The following MECOM variants were observed in gnomAD, a reference collection of about 807,000 sequenced individuals.
MECOM encodes the protein MDS1 and EVI1 complex locus, also known as histone-lysine N-methyltransferase MECOM.
Under a neutral mutation model 116.3 loss-of-function variants are expected in MECOM, and 13 were observed. The observed-to-expected ratio is 0.11, with a 90% CI of 0.07 to 0.18. The LOEUF (loss-of-function observed/expected upper bound fraction) is 0.18. MECOM is among the 10% of genes least tolerant of loss of function. MECOM has a pLI of 1.00. For missense variants in MECOM, 1,299 were observed against 1,509.0 expected (o/e 0.86, Z 2.31); for synonymous variants, 528 against 535.2 (o/e 0.99, Z 0.19).
intron 2 of MECOM, among the ~76,000 whole-genome samples, chr3:169,205,169 C>T (rs528592299): frequency 1.3e-5 from 2 of 152,182 alleles, no homozygotes; most frequent in Admixed American, 6.6e-5. Context: ...CCTTACATGC[C>T]AAGTCTCAGC....
At chr3:169,191,677 AAG>A (rs1318095171) in intron 2 of MECOM, among the ~76,000 whole-genome samples, 1 of 100,140 alleles carries the variant, frequency 1.0e-5, no homozygotes, top group Non-Finnish European at 1.8e-5. Flanking sequence ...AGAGAGAAAG[AAG>A]AAGGAAAGAA....
At chr3:169,137,454 G>A (rs1736713513) in intron 3 of MECOM, among the ~76,000 whole-genome samples, 1 of 152,118 alleles carries the variant, frequency 6.6e-6, no homozygotes, top group African/African-American at 2.4e-5. Context: ...AAAGAGAAGT[G>A]TCTTCAGCAG....
chr3:169,564,276 T>C (rs150571286), intron 1 of MECOM, among the ~76,000 whole-genome samples: 92 of 152,308 alleles, frequency 6.0e-4, no homozygotes, highest in African/African-American at 2.1e-3. Context: ...CAGCCAAGAC[T>C]CACCATCTGA....
In MECOM at chr3:169,567,474, A is replaced by G. The variant is rs1763375175; in HGVS notation, c.37+95862T>C. ...TGATTTTATTACTTTAGCCACTAAT[A>G]TATTTATATTTGGTAATATTGCCCT... is the stretch of plus-strand genomic sequence containing the variant. On this transcript the variant is annotated intron_variant, in intron 1 of 16. Coordinates refer to ENST00000651503, the MANE Select transcript of MECOM (RefSeq NM_004991.4). 2.6e-5 allele frequency among the ~76,000 whole-genome samples: 4 copies of G among 152,324 alleles called. No individual in the cohort carries two copies. In the South Asian group the frequency reaches 8.3e-4, roughly 32 times the overall value.
chr3:169,431,876 A>G (rs564772113), intron 1 of MECOM, among the ~76,000 whole-genome samples: 2 of 152,262 alleles, frequency 1.3e-5, no homozygotes, highest in African/African-American at 4.8e-5. Flanking sequence ...TGCTCCATCT[A>G]AAGGAGGGAG....
At chr3:169,128,340 C>T (rs1192711784) in intron 4 of MECOM, among the ~76,000 whole-genome samples, 2 of 152,048 alleles carry the variant, frequency 1.3e-5, no homozygotes, top group Non-Finnish European at 2.9e-5. Context: ...ATAATAAATA[C>T]GACTTACTGA....
intron 1 of MECOM, among the ~76,000 whole-genome samples, chr3:169,382,096 T>A (rs1732484598): frequency 6.6e-6 from 1 of 152,222 alleles, no homozygotes; most frequent in Non-Finnish European, 1.5e-5. Context: ...AAGCCCTTGG[T>A]ATTTCCTTGC....
chr3:169,426,130 CCCCCCAACAGTT>C (rs935306094), intron 1 of MECOM, among the ~76,000 whole-genome samples: 2 of 151,356 alleles, frequency 1.3e-5, no homozygotes, highest in Non-Finnish European at 2.9e-5. Context: ...TAGTAAAAAT[CCCCCCAACAGTT>C]CTCCCTACAC....
intron 2 of MECOM, among the ~76,000 whole-genome samples, chr3:169,208,830 G>GA (rs1456169496): frequency 1.4e-5 from 2 of 142,944 alleles, no homozygotes; most frequent in African/African-American, 2.6e-5. Context: ...CACAGAATTA[G>GA]AAAAAACTAC....
intron 2 of MECOM, among the ~76,000 whole-genome samples, chr3:169,350,191 C>T (rs544485526): frequency 6.6e-6 from 1 of 152,006 alleles, no homozygotes; most frequent in African/African-American, 2.4e-5. Context: ...CACATGTCAA[C>T]ACCTTTACAT....
At chr3:169,654,023 T>C (rs1341155354) in intron 1 of MECOM, among the ~76,000 whole-genome samples, 1 of 152,224 alleles carries the variant, frequency 6.6e-6, no homozygotes, top group African/African-American at 2.4e-5. Context: ...TTGATAATGC[T>C]TATATGCATG....
At chr3:169,483,854 G>A in intron 1 of MECOM, 2 of 1,611,406 alleles carry the variant, frequency 1.2e-6, no homozygotes, top group Non-Finnish European at 1.7e-6. Flanking sequence ...CGGTGATCTT[G>A]CTCTTGCTCC....
intron 2 of MECOM, among the ~76,000 whole-genome samples, chr3:169,264,096 C>G (rs1003974651): frequency 2.0e-4 from 31 of 152,168 alleles, no homozygotes; most frequent in African/African-American, 7.2e-4. Context: ...TCCTTAGAAT[C>G]AAAACCTGAA....
At chr3:169,549,598 G>A in intron 1 of MECOM, among the ~76,000 whole-genome samples, 1 of 152,180 alleles carries the variant, frequency 6.6e-6, no homozygotes, top group South Asian at 2.1e-4. Context: ...CAGTGCCACA[G>A]CTTGCCCAGG....
At chr3:169,638,417 G>A (rs749650900) in intron 1 of MECOM, among the ~76,000 whole-genome samples, 11 of 151,948 alleles carry the variant, frequency 7.2e-5, no homozygotes, top group Non-Finnish European at 1.0e-4. Context: ...GACAGTATTA[G>A]CCCCCTGCTA....
At chr3:169,305,431 A>G (rs890834985) in intron 2 of MECOM, among the ~76,000 whole-genome samples, 25 of 152,184 alleles carry the variant, frequency 1.6e-4, no homozygotes, top group Admixed American at 8.5e-4. Flanking sequence ...AAAAATCCCA[A>G]CACAAGGAAG....
chr3:169,095,032 G>T (rs779045869), intron 13 of MECOM, 44 bp downstream of exon 13: 3 of 1,437,532 alleles, frequency 2.1e-6, no homozygotes, highest in Admixed American at 2.4e-5. Context: ...TTTAAAACAC[G>T]AAAAAGAAGT....
intron 2 of MECOM, among the ~76,000 whole-genome samples, chr3:169,175,130 T>A (rs1322501816): frequency 6.6e-6 from 1 of 152,158 alleles, no homozygotes; most frequent in Non-Finnish European, 1.5e-5. Context: ...GTCTTTTTCC[T>A]CATATATAAC....
intron 1 of MECOM, among the ~76,000 whole-genome samples, chr3:169,523,824 C>CAT (rs1757637382): frequency 6.6e-6 from 1 of 151,120 alleles, no homozygotes; most frequent in Non-Finnish European, 1.5e-5. Context: ...TATATACACA[C>CAT]ATATATATAT....
Sources: allele counts gnomAD v4.1 joint callset (sites outside exome capture counted in the v4.1 genomes callset), GRCh38; gene constraint gnomAD v4.1.1; transcripts MANE v1.5; gene names NCBI Gene and HGNC (gene_info 2026-07-23, HGNC 2026-07-21).